AIM2: variants seen among roughly 807,000 people sequenced by gnomAD.
AIM2 encodes absent in melanoma 2.
A neutral mutation model predicts 27.7 loss-of-function variants in AIM2; 30 were observed. The observed-to-expected ratio is 1.08, with a 90% CI of 0.81 to 1.47. AIM2 has a LOEUF of 1.47. Among genes scored for constraint, AIM2 ranks in the 40% most tolerant of loss-of-function variants. AIM2 has a pLI of 0.00. For synonymous variants in AIM2, 141 were observed against 145.3 expected (o/e 0.97, Z 0.21); for missense variants, 358 against 411.3 (o/e 0.87, Z 1.12).
intron 1 of AIM2, among the ~76,000 whole-genome samples, chr1:159,126,279 G>A (rs989209943): frequency 6.6e-6 from 1 of 152,098 alleles, no homozygotes. Context: ...ACTGCTATAG[G>A]TAGTTACCAG....
intron 3 of AIM2, among the ~76,000 whole-genome samples, chr1:159,067,432 C>T (rs540129444): frequency 2.0e-5 from 3 of 152,260 alleles, no homozygotes; most frequent in African/African-American, 4.8e-5. Flanking sequence ...AAAAGCCAAG[C>T]GTAGGAGTCT....
At chr1:159,055,861 T>A in the AIM2 span, among the ~76,000 whole-genome samples, 1 of 152,350 alleles carries the variant, frequency 6.6e-6, no homozygotes, top group East Asian at 1.9e-4. Flanking sequence ...TCCTCTTTAC[T>A]CACCCTATAA....
At chr1:159,146,693 CT>C (rs1570988338) in intron 1 of AIM2, among the ~76,000 whole-genome samples, 2 of 152,234 alleles carry the variant, frequency 1.3e-5, no homozygotes, top group African/African-American at 4.8e-5. Flanking sequence ...TGTTCCCAGT[CT>C]TCCCTAGATT....
intron 1 of AIM2, among the ~76,000 whole-genome samples, chr1:159,104,773 GC>G (rs1355482283): frequency 6.6e-6 from 1 of 152,166 alleles, no homozygotes; most frequent in African/African-American, 2.4e-5. Context: ...ATTGGACAAT[GC>G]TTTTCTGGAG....
chr1:159,093,672 T>C (rs181747828), intron 1 of AIM2, among the ~76,000 whole-genome samples: 1 of 151,742 alleles, frequency 6.6e-6, no homozygotes, highest in Non-Finnish European at 1.5e-5. Flanking sequence ...GGAATGTATA[T>C]AACATTTTAT....
At chr1:159,137,664 C>T (rs1037307785) in intron 1 of AIM2, among the ~76,000 whole-genome samples, 8 of 152,060 alleles carry the variant, frequency 5.3e-5, no homozygotes, top group Non-Finnish European at 7.4e-5. Flanking sequence ...CTCAAACAAA[C>T]GAACAAAAAT....
upstream of AIM2, among the ~76,000 whole-genome samples, chr1:159,077,615 T>G (rs972058391): frequency 6.6e-6 from 1 of 152,176 alleles, no homozygotes; most frequent in African/African-American, 2.4e-5. Context: ...AGTGGGGCAA[T>G]CCCTCTGCTA....
chr1:159,118,381 C>T (rs1647439655), intron 1 of AIM2, among the ~76,000 whole-genome samples: 3 of 152,102 alleles, frequency 2.0e-5, no homozygotes, highest in Admixed American at 1.3e-4. Context: ...CTCCTGTACT[C>T]CTTATGTATT....
intron 1 of AIM2, among the ~76,000 whole-genome samples, chr1:159,088,989 G>C (rs1656985794): frequency 1.3e-5 from 2 of 152,186 alleles, no homozygotes; most frequent in Non-Finnish European, 2.9e-5. Flanking sequence ...GTGTTCACAG[G>C]TATCTCCATT....
At chr1:159,095,453 G>A (rs1246173149) in intron 1 of AIM2, among the ~76,000 whole-genome samples, 1 of 152,192 alleles carries the variant, frequency 6.6e-6, no homozygotes, top group Non-Finnish European at 1.5e-5. Flanking sequence ...TGAAGTAAGA[G>A]CATTGAGACC....
chr1:159,085,187 T>C (rs1656878867), intron 1 of AIM2, among the ~76,000 whole-genome samples: 1 of 151,818 alleles, frequency 6.6e-6, no homozygotes, highest in Non-Finnish European at 1.5e-5. Flanking sequence ...AAATCAAGCC[T>C]CCCTTGGAAG....
intron 1 of AIM2, among the ~76,000 whole-genome samples, chr1:159,093,576 A>G (rs958620580): frequency 3.3e-5 from 5 of 152,304 alleles, no homozygotes; most frequent in Admixed American, 1.3e-4. Flanking sequence ...ATTGTGGCAT[A>G]TTCATGGATA....
At chr1:159,074,113 A>T (rs1656492496) in intron 1 of AIM2, among the ~76,000 whole-genome samples, 1 of 152,218 alleles carries the variant, frequency 6.6e-6, no homozygotes, top group Admixed American at 6.5e-5. Context: ...AGATTTATCG[A>T]GGCATAACTG....
intron 1 of AIM2, among the ~76,000 whole-genome samples, chr1:159,134,245 C>T (rs1001247128): frequency 2.6e-5 from 4 of 152,200 alleles, no homozygotes; most frequent in African/African-American, 4.8e-5. Flanking sequence ...TTAATCCTGG[C>T]TAATATTGCT....
chr1:159,062,764 T>C (rs1410055532), intron 5 of AIM2, 46 bp from the exon 6 acceptor site: 1 of 1,582,582 alleles, frequency 6.3e-7, no homozygotes, highest in Non-Finnish European at 8.7e-7. Context: ...AGTCGATGAG[T>C]GGCCCCTCCA....
downstream of AIM2, among the ~76,000 whole-genome samples, chr1:159,060,349 T>G (rs1168403044): frequency 6.6e-6 from 1 of 151,552 alleles, no homozygotes; most frequent in Non-Finnish European, 1.5e-5. Context: ...TCCAGAGAAA[T>G]AAAAAAAAAT....
chr1:159,131,149 G>A (rs1273837533), intron 1 of AIM2, among the ~76,000 whole-genome samples: 2 of 152,144 alleles, frequency 1.3e-5, no homozygotes, highest in African/African-American at 4.8e-5. Context: ...TCCAGAGCAA[G>A]CAGTTTAAGA....
intron 1 of AIM2, among the ~76,000 whole-genome samples, chr1:159,110,477 C>T (rs1358417284): frequency 1.3e-5 from 2 of 152,128 alleles, no homozygotes; most frequent in East Asian, 3.9e-4. Flanking sequence ...GGCCCAAATT[C>T]TATGTTCCTT....
intron 1 of AIM2, among the ~76,000 whole-genome samples, chr1:159,097,185 G>A (rs1382766730): frequency 2.0e-5 from 3 of 151,668 alleles, no homozygotes; most frequent in Admixed American, 2.0e-4. Context: ...TTCCTTACTA[G>A]CCACTGTGCC....
Sources: allele counts gnomAD v4.1 joint callset (sites outside exome capture counted in the v4.1 genomes callset), GRCh38; gene constraint gnomAD v4.1.1; transcripts MANE v1.5; gene names NCBI Gene and HGNC (gene_info 2026-07-23, HGNC 2026-07-21).